Variants in DENND2C observed in about 807,000 individuals in gnomAD.
The protein encoded by DENND2C is DENN domain containing 2C, also known as DENN domain-containing protein 2C.
In DENND2C, 72 loss-of-function variants were observed where a neutral mutation model predicts 112.4. The observed-to-expected ratio is 0.64, with a 90% confidence interval of 0.53 to 0.78. The LOEUF (loss-of-function observed/expected upper bound fraction) is 0.78. Among genes scored for constraint, DENND2C ranks in the 30% least tolerant of loss-of-function variants. The probability of loss-of-function intolerance (pLI) is 0.00; values close to 1 mark genes in which losing one functional copy is unlikely to be tolerated. For synonymous variants in DENND2C, 329 were observed against 381.6 expected (o/e 0.86, Z 1.61); for missense variants, 992 against 1,113.8 (o/e 0.89, Z 1.56).
intron 3 of DENND2C, among the ~76,000 whole-genome samples, chr1:114,638,106 A>G (rs1656706236): frequency 6.6e-6 from 1 of 152,246 alleles, no homozygotes; most frequent in African/African-American, 2.4e-5. Flanking sequence ...CAAAAGGATC[A>G]GCAGAAGAGC....
chr1:114,669,955 C>T (rs947008884), intron 1 of DENND2C, 28 bp downstream of exon 1: 1 of 152,614 alleles, frequency 6.6e-6, no homozygotes, highest in Non-Finnish European at 1.5e-5. Context: ...CGGCTTAAAA[C>T]CCCGCGCCGA....
chr1:114,631,559 G>A lies in DENND2C; in HGVS notation c.-204-5371C>T, dbSNP rs532621906. On this transcript the variant is annotated intron_variant, in intron 3 of 20. Coordinates refer to ENST00000393274, the MANE Select transcript of DENND2C (RefSeq NM_001256404.2). ...AGCACTTTGGGAGGCCAAGGCAGGC[G>A]GATCATGAGGTCAGGAGATCGAGAC... Among the ~76,000 whole-genome samples, 870 of 152,006 alleles carry A rather than the reference G, an allele frequency of 5.7e-3. 4 individuals carry two copies. Among genetic ancestry groups the A allele is most frequent in the Non-Finnish European group, 0.01 (708 of 67,960 alleles).
At chr1:114,590,793 A>AAG (rs1301882902) in intron 18 of DENND2C, among the ~76,000 whole-genome samples, 1 of 151,670 alleles carries the variant, frequency 6.6e-6, no homozygotes, top group East Asian at 1.9e-4. Context: ...AAAAAAAAAA[A>AAG]AAAATTATTG....
intron 7 of DENND2C, among the ~76,000 whole-genome samples, 175 bp from the exon 8 acceptor site, chr1:114,618,657 G>A (rs1422965583): frequency 2.0e-5 from 3 of 152,164 alleles, no homozygotes; most frequent in Non-Finnish European, 2.9e-5. Context: ...ATGATATGTT[G>A]TTCTAATACC....
At chr1:114,608,916 T>C in intron 9 of DENND2C, 43 bp from the exon 10 acceptor site, 1 of 1,606,324 alleles carries the variant, frequency 6.2e-7, no homozygotes, top group South Asian at 1.1e-5. Flanking sequence ...TCTGTAGCCC[T>C]ACCTTCCTTT....
At chr1:114,618,082 G>A (rs1050189763) in intron 8 of DENND2C, among the ~76,000 whole-genome samples, 4 of 151,722 alleles carry the variant, frequency 2.6e-5, no homozygotes, top group South Asian at 2.1e-4. Context: ...TCGGCCTCCC[G>A]GGTTCACGCC....
intron 1 of DENND2C, among the ~76,000 whole-genome samples, chr1:114,666,826 C>A (rs1454386029): frequency 1.3e-5 from 2 of 152,122 alleles, no homozygotes; most frequent in African/African-American, 4.8e-5. Context: ...ATTAAAAGTA[C>A]CTTTAACACC....
intron 9 of DENND2C, 144 bp from the exon 10 acceptor site, chr1:114,609,017 A>G (rs893059677): frequency 3.0e-5 from 27 of 905,882 alleles, no homozygotes; most frequent in Non-Finnish European, 4.0e-5. Context: ...CCACATAGAC[A>G]TACCTGTTAA....
chr1:114,599,773 T>A (rs1218760659), intron 15 of DENND2C, among the ~76,000 whole-genome samples: 1 of 152,200 alleles, frequency 6.6e-6, no homozygotes, highest in Non-Finnish European at 1.5e-5. Context: ...GTCATTGGTA[T>A]AGCCTAACGC....
intron 1 of DENND2C, among the ~76,000 whole-genome samples, chr1:114,659,833 C>T (rs1418760799): frequency 7.1e-6 from 1 of 139,924 alleles, no homozygotes; most frequent in East Asian, 2.4e-4. Context: ...ATCCTCTTGC[C>T]CAGGATGCAG....
intron 3 of DENND2C, among the ~76,000 whole-genome samples, chr1:114,638,762 C>CAAA (rs35740017): frequency 2.4e-5 from 2 of 84,154 alleles, no homozygotes; most frequent in Non-Finnish European, 4.6e-5. Context: ...GACCTTGTCT[C>CAAA]AAAAAAAAAA....
chr1:114,588,000 C>A (rs2101637986), intron 18 of DENND2C, 48 bp from the exon 19 acceptor site: 1 of 1,529,342 alleles, frequency 6.5e-7, no homozygotes, highest in African/African-American at 1.4e-5. Context: ...CCTCAGTTAT[C>A]TGTATCTGGA....
chr1:114,635,026 TAAA>T (rs374636363), intron 3 of DENND2C, among the ~76,000 whole-genome samples: 4 of 94,714 alleles, frequency 4.2e-5, no homozygotes, highest in Admixed American at 1.2e-4. Flanking sequence ...AGACTCCGTC[TAAA>T]AAAAAAAAAA....
Position 114,626,487 on chromosome 1 carries a change from A to G in DENND2C, c.-204-299T>C, listed in dbSNP as rs971751570. On this transcript the variant is annotated intron_variant, in intron 3 of 20. Coordinates refer to ENST00000393274, the MANE Select transcript of DENND2C (RefSeq NM_001256404.2). ...GAAGAGATTATACATAGCAGTATAC[A>G]ATATTTTTGTAATAAATTAATTCTT... Among the ~76,000 whole-genome samples the G allele has an allele frequency of 5.3e-5, 8 of 151,290 alleles. No individual in the cohort carries two copies. In the East Asian group the frequency reaches 1.2e-3, roughly 22 times the overall value.
intron 8 of DENND2C, among the ~76,000 whole-genome samples, chr1:114,612,347 A>G (rs1655842092): frequency 7.1e-6 from 1 of 140,724 alleles, no homozygotes; most frequent in African/African-American, 2.7e-5. Flanking sequence ...GGCAGCAGTT[A>G]TAAATTTTTT....
At chr1:114,612,393 AC>A (rs1655845406) in intron 8 of DENND2C, among the ~76,000 whole-genome samples, 1 of 145,932 alleles carries the variant, frequency 6.9e-6, no homozygotes, top group Non-Finnish European at 1.5e-5. Context: ...ACTCTGCTGC[AC>A]AGGCTACAGT....
chr1:114,626,596 C>G (rs1437003832), intron 3 of DENND2C, among the ~76,000 whole-genome samples: 4 of 147,574 alleles, frequency 2.7e-5, no homozygotes, highest in Non-Finnish European at 4.4e-5. Context: ...ACTGCAACCT[C>G]TGCCTCCTGG....
chr1:114,602,226 C>G (rs1223423191), intron 11 of DENND2C, 32 bp from the exon 12 acceptor site: 2 of 1,605,986 alleles, frequency 1.2e-6, no homozygotes, highest in African/African-American at 2.7e-5. Flanking sequence ...AGTTTAGGAT[C>G]CAAACAATTA....
At chr1:114,622,469 A>G (rs975636782) in intron 6 of DENND2C, among the ~76,000 whole-genome samples, 2 of 152,120 alleles carry the variant, frequency 1.3e-5, no homozygotes, top group Admixed American at 6.6e-5. Context: ...CTATTCCAGA[A>G]ATGTATTTAT....
Sources: gnomAD v4.1 joint callset for allele counts (sites outside exome capture counted in the v4.1 genomes callset) on GRCh38, gnomAD v4.1.1 for gene constraint, MANE v1.5 for transcripts, NCBI Gene and HGNC (gene_info 2026-07-23, HGNC 2026-07-21) for gene names.